The following COL25A1 variants were observed in gnomAD, a reference collection of about 807,000 sequenced individuals.
The protein encoded by COL25A1 is collagen alpha-1(XXV) chain.
A neutral mutation model predicts 128.4 loss-of-function variants in COL25A1; 103 were observed. The observed-to-expected ratio is 0.80, with a 90% CI of 0.68 to 0.94. The LOEUF is 0.94. Among genes scored for constraint, COL25A1 ranks in the 40% least tolerant of loss-of-function variants. The pLI is 0.00. For synonymous variants in COL25A1, 279 were observed against 277.2 expected (o/e 1.01, Z -0.06); for missense variants, 745 against 840.0 (o/e 0.89, Z 1.40).
intron 8 of COL25A1, among the ~76,000 whole-genome samples, chr4:108,949,478 C>A (rs1364118551): frequency 6.6e-6 from 1 of 152,076 alleles, no homozygotes; most frequent in Non-Finnish European, 1.5e-5. Context: ...CAAGAGTCAC[C>A]CCCTGACAAC....
At chr4:108,974,703 C>T in intron 6 of COL25A1, 144 bp from the exon 7 acceptor site, 1 of 638,534 alleles carries the variant, frequency 1.6e-6, no homozygotes, top group Non-Finnish European at 2.6e-6. Flanking sequence ...GGTTTCTAAA[C>T]TATAATCATA....
chr4:108,942,732 G>A (rs1454510793), intron 8 of COL25A1, among the ~76,000 whole-genome samples: 1 of 148,010 alleles, frequency 6.8e-6, no homozygotes, highest in Non-Finnish European at 1.5e-5. Context: ...TTACAGGCAT[G>A]AGCCACCACA....
intron 6 of COL25A1, among the ~76,000 whole-genome samples, chr4:108,984,456 G>A (rs1753419927): frequency 6.6e-6 from 1 of 152,168 alleles, no homozygotes; most frequent in Non-Finnish European, 1.5e-5. Flanking sequence ...GCTCATTGGG[G>A]AGGCTCCCGC....
At chr4:108,941,665 A>AT (rs945719154) in intron 8 of COL25A1, among the ~76,000 whole-genome samples, 12 of 152,280 alleles carry the variant, frequency 7.9e-5, no homozygotes, top group African/African-American at 2.9e-4. Context: ...AGTAATGAAT[A>AT]TTTTTTGTGC....
rs776941019 is a variant in COL25A1, at chr4:109,057,421, A to ATTTTTTTTTTTTTTTTTTTTTTT, written c.368-7265_368-7243dup. Among the ~76,000 whole-genome samples, 9 of 20,238 alleles carry ATTTTTTTTTTTTTTTTTTTTTTT rather than the reference A, an allele frequency of 4.4e-4. 1 individual carries two copies. Among genetic ancestry groups the ATTTTTTTTTTTTTTTTTTTTTTT allele is most frequent in the Admixed American group, 2.1e-3 (2 of 952 alleles). The allele number at this position is 20,238 out of a possible 152,430, so 13.3% of individuals were successfully genotyped here. On this transcript the variant is annotated intron_variant, in intron 3 of 37. Transcript: ENST00000399132. Reference sequence around the variant, plus strand: ...TAGCTGGGACCACCATGCCTAGCTAATTTTTTTTTTTTTTTTTTTTTTTTT... The same window carrying ATTTTTTTTTTTTTTTTTTTTTTT: ...TAGCTGGGACCACCATGCCTAGCTAATTTTTTTTTTTTTTTTTTTTTTTTTTTTTTTTTTTTTTTTTTTTTTTT...
intron 31 of COL25A1, among the ~76,000 whole-genome samples, chr4:108,841,001 G>C (rs956990802): frequency 6.6e-6 from 1 of 152,170 alleles, no homozygotes; most frequent in African/African-American, 2.4e-5. Context: ...CATCACGTAT[G>C]CTCCCTGAAA....
chr4:109,149,039 C>T (rs1771218819), intron 3 of COL25A1, among the ~76,000 whole-genome samples: 3 of 152,180 alleles, frequency 2.0e-5, no homozygotes, highest in Non-Finnish European at 4.4e-5. Context: ...ATCACAACAT[C>T]CTTCAATTGT....
intron 20 of COL25A1, among the ~76,000 whole-genome samples, chr4:108,866,607 C>G (rs114619153): frequency 6.6e-6 from 1 of 152,352 alleles, no homozygotes; most frequent in African/African-American, 2.4e-5. Context: ...GATCTCTCCT[C>G]ACTGTGTTGG....
chr4:109,222,304 C>T (rs544336296), intron 3 of COL25A1, among the ~76,000 whole-genome samples: 2 of 151,746 alleles, frequency 1.3e-5, no homozygotes, highest in East Asian at 3.9e-4. Context: ...CCTCGTGATC[C>T]GCCCGCCTCG....
At chr4:109,242,428 G>A (rs1362436821) in intron 3 of COL25A1, among the ~76,000 whole-genome samples, 2 of 152,106 alleles carry the variant, frequency 1.3e-5, no homozygotes, top group Non-Finnish European at 2.9e-5. Flanking sequence ...TTCAAGAGGT[G>A]AGGGGATGAG....
chr4:109,014,492 C>T (rs1323274778), intron 5 of COL25A1, among the ~76,000 whole-genome samples: 1 of 152,152 alleles, frequency 6.6e-6, no homozygotes, highest in East Asian at 1.9e-4. Context: ...AAGTGACAGA[C>T]TTTTCCTGTC....
At chr4:108,902,783 G>A (rs964012987) in intron 13 of COL25A1, among the ~76,000 whole-genome samples, 13 of 152,036 alleles carry the variant, frequency 8.6e-5, no homozygotes, top group African/African-American at 2.9e-4. Flanking sequence ...GGGAAAAAAT[G>A]TTGACTTAGA....
chr4:108,983,777 G>A (rs761511165), intron 6 of COL25A1, among the ~76,000 whole-genome samples: 5 of 152,126 alleles, frequency 3.3e-5, no homozygotes, highest in Non-Finnish European at 7.3e-5. Context: ...CTCCCTGTGG[G>A]TTCGTGGTCT....
intron 13 of COL25A1, among the ~76,000 whole-genome samples, chr4:108,907,779 T>C (rs747540489): frequency 2.0e-5 from 3 of 150,224 alleles, no homozygotes; most frequent in Non-Finnish European, 4.4e-5. Context: ...TTCTGTTTAA[T>C]TTTCACATAA....
In COL25A1 at chr4:109,248,008, C is replaced by T. The variant is rs189735734; in HGVS notation, c.367+52575G>A. 2.6e-5 allele frequency among the ~76,000 whole-genome samples: 4 copies of T among 152,068 alleles called. No homozygotes were observed. In the East Asian group the frequency reaches 7.7e-4, roughly 29 times the overall value. On this transcript the variant is annotated intron_variant, in intron 3 of 37. Coordinates refer to ENST00000399132, the MANE Select transcript of COL25A1 (RefSeq NM_198721.4). ...GAGGTATAGTCAACAGAGTCAATTG[C>T]TAAAAGAGTTGAAAAGACCTGAGAA... is the stretch of plus-strand genomic sequence containing the variant.
chr4:108,939,943 C>A (rs1052611660), intron 10 of COL25A1, among the ~76,000 whole-genome samples: 11 of 152,102 alleles, frequency 7.2e-5, no homozygotes, highest in African/African-American at 2.7e-4. Flanking sequence ...GCCTTACATA[C>A]AAAAGACAAA....
At chr4:109,171,606 T>C (rs147153008) in intron 3 of COL25A1, among the ~76,000 whole-genome samples, 2 of 152,200 alleles carry the variant, frequency 1.3e-5, no homozygotes, top group East Asian at 3.9e-4. Flanking sequence ...AGAGGAGAAA[T>C]ATTAACAACT....
intron 11 of COL25A1, among the ~76,000 whole-genome samples, chr4:108,934,709 TA>T (rs1747201195): frequency 6.6e-6 from 1 of 152,182 alleles, no homozygotes; most frequent in Non-Finnish European, 1.5e-5. Flanking sequence ...GGAGAAGAAT[TA>T]GGGGATTACA....
At chr4:109,292,953 G>A (rs1211717421) in intron 3 of COL25A1, among the ~76,000 whole-genome samples, 2 of 151,980 alleles carry the variant, frequency 1.3e-5, no homozygotes, top group Admixed American at 1.3e-4. Context: ...TAAAGTAAAA[G>A]CATTGGTTTT....
Sources: gnomAD v4.1 joint callset for allele counts (sites outside exome capture counted in the v4.1 genomes callset) on GRCh38, gnomAD v4.1.1 for gene constraint, MANE v1.5 for transcripts, NCBI Gene and HGNC (gene_info 2026-07-23, HGNC 2026-07-21) for gene names.